MAP3K13: variants seen among roughly 807,000 people sequenced by gnomAD.
MAP3K13 encodes mitogen-activated protein kinase kinase kinase 13, also known as leucine zipper-bearing kinase.
Under a neutral mutation model 104.0 loss-of-function variants are expected in MAP3K13, and 52 were observed. The ratio of observed to expected loss-of-function variants is 0.50; its 90% CI spans 0.40 to 0.63. The LOEUF (loss-of-function observed/expected upper bound fraction) is 0.63, where lower values mean the gene tolerates loss of function less well. MAP3K13 is among the 20% of genes least tolerant of loss of function. The pLI is 0.00. For missense variants in MAP3K13, 914 were observed against 1,218.5 expected (o/e 0.75, Z 3.72); for synonymous variants, 394 against 442.2 (o/e 0.89, Z 1.37).
At chr3:185,304,908 A>T (rs1429572253) in intron 2 of MAP3K13, among the ~76,000 whole-genome samples, 1 of 141,024 alleles carries the variant, frequency 7.1e-6, no homozygotes, top group African/African-American at 2.6e-5. Context: ...CTGGGATTAC[A>T]GGCGTGAGCC....
At chr3:185,375,359 T>C (rs1724374562) in intron 1 of MAP3K13, among the ~76,000 whole-genome samples, 1 of 152,070 alleles carries the variant, frequency 6.6e-6, no homozygotes, top group South Asian at 2.1e-4. Context: ...GCCTGAGAAA[T>C]TCTTGAGGAG....
chr3:185,291,573 C>A, intron 2 of MAP3K13: 1 of 1,491,734 alleles, frequency 6.7e-7, no homozygotes, highest in Non-Finnish European at 8.8e-7. Flanking sequence ...AATTATTAGA[C>A]TTGTAGTAGA....
In MAP3K13 at chr3:185,292,058, A is replaced by G. The variant is rs759229537; in HGVS notation, c.-86+6415A>G. On this transcript the variant is annotated intron_variant, in intron 2 of 14. Coordinates refer to the MAP3K13 transcript ENST00000424227. ...GGTGGCTCATGCCTGTAATCCCAGC[A>G]CTTTGGGAGGCCAAGGCAGCTGGAT... The G allele has an allele frequency of 3.5e-4, 333 of 942,194 alleles. No homozygotes were observed. In the Middle Eastern group the frequency reaches 6.6e-3, roughly 19 times the overall value. 58.4% of individuals were successfully genotyped at this position (942,194 alleles called of 1,614,324 possible). A position where few individuals can be genotyped will look rare whatever the true frequency, so the allele number is the denominator to read the frequency against.
chr3:185,403,367 C>T (rs1473582673), intron 1 of MAP3K13, among the ~76,000 whole-genome samples: 1 of 152,148 alleles, frequency 6.6e-6, no homozygotes, highest in Non-Finnish European at 1.5e-5. Flanking sequence ...AAAACTTGAA[C>T]TTTTTAAATA....
intron 1 of MAP3K13, among the ~76,000 whole-genome samples, chr3:185,384,713 G>A (rs1349340781): frequency 6.6e-6 from 1 of 152,080 alleles, no homozygotes; most frequent in Non-Finnish European, 1.5e-5. Context: ...GTGATGCTGA[G>A]CATCTTTTCA....
chr3:185,356,872 ATG>A (rs1723376458), intron 2 of MAP3K13, among the ~76,000 whole-genome samples: 3 of 146,194 alleles, frequency 2.1e-5, no homozygotes, highest in African/African-American at 8.3e-5. Context: ...TCATGTATGT[ATG>A]TATGTATGTA....
intron 3 of MAP3K13, among the ~76,000 whole-genome samples, chr3:185,439,227 G>T (rs866931968): frequency 6.6e-6 from 1 of 152,092 alleles, no homozygotes; most frequent in Non-Finnish European, 1.5e-5. Flanking sequence ...GAAGTACTTG[G>T]ATTCATTTCC....
intron 2 of MAP3K13, among the ~76,000 whole-genome samples, chr3:185,297,364 T>A (rs533435616): frequency 1.3e-4 from 20 of 152,200 alleles, no homozygotes; most frequent in Non-Finnish European, 2.9e-4. Context: ...CAGTTTCTCC[T>A]CCTCTAATCA....
At chr3:185,349,089 A>G (rs1290187943) in intron 2 of MAP3K13, among the ~76,000 whole-genome samples, 2 of 152,068 alleles carry the variant, frequency 1.3e-5, no homozygotes, top group Non-Finnish European at 2.9e-5. Context: ...CTGTAAGCAT[A>G]TGGTACTGTA....
At chr3:185,344,891 T>A (rs1192813280) in intron 2 of MAP3K13, among the ~76,000 whole-genome samples, 1 of 151,958 alleles carries the variant, frequency 6.6e-6, no homozygotes, top group Non-Finnish European at 1.5e-5. Flanking sequence ...TAATTTATTT[T>A]TTTTTTTTGA....
intron 1 of MAP3K13, among the ~76,000 whole-genome samples, chr3:185,403,621 AT>A (rs199500744): frequency 1.3e-5 from 2 of 152,156 alleles, no homozygotes; most frequent in South Asian, 4.1e-4. Flanking sequence ...TTGTCAATTT[AT>A]TTTTTACTGT....
rs562344033 is a variant in MAP3K13 at position 185,423,732 on chromosome 3, G to T, written c.-85-4765G>T. ...ATCTCTCTGGTTTGTTAGGAGGGAA[G>T]AATCACCTGCACTGTATCGTAAGCT... On this transcript the variant is annotated intron_variant, in intron 1 of 13. Transcript: ENST00000265026. The surrounding 1 kb of genome is among the most constrained non-coding windows in gnomAD (Gnocchi z 4.1). Among the ~76,000 whole-genome samples the T allele has an allele frequency of 6.6e-6, 1 of 152,182 alleles. No individual in the cohort carries two copies. The highest frequency in any genetic ancestry group is 1.5e-5 in the Non-Finnish European group (1 of 68,042).
At chr3:185,372,487 A>G in intron 1 of MAP3K13, among the ~76,000 whole-genome samples, 1 of 152,196 alleles carries the variant, frequency 6.6e-6, no homozygotes, top group Admixed American at 6.5e-5. Flanking sequence ...AGAAAGAAAA[A>G]CAGTCACATA....
chr3:185,427,363 CA>C (rs200864455), intron 1 of MAP3K13, among the ~76,000 whole-genome samples: 1 of 148,792 alleles, frequency 6.7e-6, no homozygotes. Flanking sequence ...GACTCTGTCT[CA>C]AAAAAAAGAA....
upstream of MAP3K13, among the ~76,000 whole-genome samples, chr3:185,359,614 A>T (rs376089591): frequency 6.6e-6 from 1 of 152,168 alleles, no homozygotes; most frequent in South Asian, 2.1e-4. Context: ...ATGTGTTATA[A>T]TATTACTTTA....
chr3:185,430,339 G>T (rs1042572683), intron 2 of MAP3K13, among the ~76,000 whole-genome samples: 96 of 152,142 alleles, frequency 6.3e-4, no homozygotes, highest in African/African-American at 2.0e-3. Context: ...AGGTTCAGGG[G>T]TACGTGCGCA....
chr3:185,431,947 A>G (rs1714761569), intron 2 of MAP3K13, among the ~76,000 whole-genome samples: 1 of 151,692 alleles, frequency 6.6e-6, no homozygotes, highest in Non-Finnish European at 1.5e-5. Flanking sequence ...GGTTTTATGT[A>G]TGTGTATCTC....
chr3:185,294,800 G>C (rs1720861846), intron 2 of MAP3K13, among the ~76,000 whole-genome samples: 1 of 152,196 alleles, frequency 6.6e-6, no homozygotes, highest in Admixed American at 6.5e-5. Flanking sequence ...GAGTAGTTAA[G>C]CAACTTCAGC....
intron 2 of MAP3K13, among the ~76,000 whole-genome samples, chr3:185,308,414 A>C (rs1371020915): frequency 6.6e-6 from 1 of 152,208 alleles, no homozygotes; most frequent in Non-Finnish European, 1.5e-5. Flanking sequence ...TTCTGTCAGC[A>C]TTCCAAGTCA....
Sources: allele counts gnomAD v4.1 joint callset (sites outside exome capture counted in the v4.1 genomes callset), GRCh38; gene constraint gnomAD v4.1.1; non-coding constraint Gnocchi (gnomAD v3.1); transcripts MANE v1.5; gene names NCBI Gene and HGNC (gene_info 2026-07-23, HGNC 2026-07-21).